Variants in CCDC148 observed in about 807,000 individuals in gnomAD.
CCDC148 encodes coiled-coil domain-containing protein 148.
In CCDC148, 89 loss-of-function variants were observed where a neutral mutation model predicts 85.7. The observed-to-expected ratio is 1.04, with a 90% confidence interval of 0.87 to 1.24. The LOEUF (loss-of-function observed/expected upper bound fraction) is 1.24. Ranked by LOEUF, CCDC148 falls within the 50% of genes most tolerant of loss-of-function variation. The pLI is 0.00. For missense variants in CCDC148, 692 were observed against 671.7 expected (o/e 1.03, Z -0.33); for synonymous variants, 230 against 213.9 (o/e 1.08, Z -0.66).
At chr2:158,182,322 G>T (rs1684943894) in intron 11 of CCDC148, among the ~76,000 whole-genome samples, 1 of 152,142 alleles carries the variant, frequency 6.6e-6, no homozygotes, top group African/African-American at 2.4e-5. Context: ...GAAAGGGAAA[G>T]AAGGAGAGGA....
chr2:158,177,064 C>T (rs1298236522), intron 12 of CCDC148, among the ~76,000 whole-genome samples: 4 of 151,890 alleles, frequency 2.6e-5, no homozygotes, highest in Admixed American at 1.3e-4. Flanking sequence ...GTTATGGTAA[C>T]AACCCCATGA....
intron 1 of CCDC148, among the ~76,000 whole-genome samples, chr2:158,409,466 G>A (rs1471212038): frequency 6.6e-6 from 1 of 152,186 alleles, no homozygotes; most frequent in Non-Finnish European, 1.5e-5. Context: ...TGACTGCCCC[G>A]CTGGATTTCA....
chr2:158,297,799 T>G (rs542384358), intron 9 of CCDC148, among the ~76,000 whole-genome samples: 1 of 152,298 alleles, frequency 6.6e-6, no homozygotes, highest in African/African-American at 2.4e-5. Flanking sequence ...ATTGGGAAGT[T>G]GTTGCATCAC....
At chr2:158,453,909 C>T (rs1366157402) in intron 1 of CCDC148, among the ~76,000 whole-genome samples, 1 of 152,144 alleles carries the variant, frequency 6.6e-6, no homozygotes, top group African/African-American at 2.4e-5. Flanking sequence ...GCCCTCTCCC[C>T]ACCCCTACTT....
intron 10 of CCDC148, among the ~76,000 whole-genome samples, chr2:158,224,825 A>T (rs1399215901): frequency 2.0e-5 from 3 of 152,172 alleles, no homozygotes; most frequent in Non-Finnish European, 2.9e-5. Flanking sequence ...GAAAGGAACA[A>T]CCGGTACCAG....
chr2:158,395,115 T>A (rs1342691759), intron 1 of CCDC148, among the ~76,000 whole-genome samples: 3 of 152,136 alleles, frequency 2.0e-5, no homozygotes, highest in African/African-American at 7.2e-5. Context: ...AAAAAAATGC[T>A]ACATTTCTGT....
At chr2:158,266,875 C>CAT (rs532539228) in intron 9 of CCDC148, among the ~76,000 whole-genome samples, 21 of 148,026 alleles carry the variant, frequency 1.4e-4, no homozygotes, top group Non-Finnish European at 2.1e-4. Flanking sequence ...TGTGTATTTA[C>CAT]ATATATATAT....
At chr2:158,175,255 C>A (rs954921823) in intron 13 of CCDC148, among the ~76,000 whole-genome samples, 4 of 152,052 alleles carry the variant, frequency 2.6e-5, no homozygotes, top group Non-Finnish European at 4.4e-5. Context: ...CTATTCTCCC[C>A]ACTTCAGCAG....
At chr2:158,278,802 C>G (rs948358103) in intron 9 of CCDC148, among the ~76,000 whole-genome samples, 3 of 152,270 alleles carry the variant, frequency 2.0e-5, no homozygotes, top group African/African-American at 7.2e-5. Context: ...GGATGGAGAT[C>G]TGAGAACGGG....
intron 9 of CCDC148, among the ~76,000 whole-genome samples, chr2:158,253,270 A>C (rs537312035): frequency 6.6e-6 from 1 of 151,828 alleles, no homozygotes; most frequent in African/African-American, 2.4e-5. Context: ...TAAATAATTT[A>C]GTTTTCTCAC....
chr2:158,224,039 T>A (rs1295491484), intron 10 of CCDC148, among the ~76,000 whole-genome samples: 1 of 152,164 alleles, frequency 6.6e-6, no homozygotes, highest in East Asian at 1.9e-4. Context: ...AGGAGGAAGT[T>A]CGAACCATGG....
chr2:158,364,416 A>G (rs573712107), intron 1 of CCDC148, among the ~76,000 whole-genome samples: 1 of 145,018 alleles, frequency 6.9e-6, no homozygotes, highest in Admixed American at 6.9e-5. Context: ...AACTATACTA[A>G]AAGGCTACAG....
chr2:158,196,447 C>G (rs190178848), intron 11 of CCDC148, among the ~76,000 whole-genome samples: 3 of 152,106 alleles, frequency 2.0e-5, no homozygotes, highest in Admixed American at 1.3e-4. Flanking sequence ...TCTCCTCCCC[C>G]CAGCCAGTTG....
Position 158,233,943 on chromosome 2 carries a change from C to T in CCDC148, c.1252-13230G>A, listed in dbSNP as rs142033443. On this transcript the variant is annotated intron_variant, in intron 10 of 13. Coordinates refer to ENST00000283233, the MANE Select transcript of CCDC148 (RefSeq NM_138803.4). ...CTGTAATCTCAGCACTTTGGGAGGC[C>T]GAGGTGGGTGGAGCACGAGGTCAAG... Among the ~76,000 whole-genome samples, 180 of 152,018 alleles carry T rather than the reference C, an allele frequency of 1.2e-3. 3 individuals carry two copies. The East Asian group carries it at 0.027, about 23-fold the overall frequency.
intron 7 of CCDC148, among the ~76,000 whole-genome samples, chr2:158,331,795 T>C (rs1693142736): frequency 6.6e-6 from 1 of 152,216 alleles, no homozygotes; most frequent in South Asian, 2.1e-4. Context: ...TTTGTTGGTT[T>C]AAAGTCTGTT....
At position 158,222,875 on chromosome 2, in the gene CCDC148, C is replaced by T. The variant is rs1687263282; in HGVS notation, c.1252-2162G>A. Reference sequence around the variant, plus strand: ...GCCGAATAGGAACAGCTCCAGTCTACAGCTCCCAGGGTGAGCGAGGCAGAA... The same window carrying T: ...GCCGAATAGGAACAGCTCCAGTCTATAGCTCCCAGGGTGAGCGAGGCAGAA... On this transcript the variant is annotated intron_variant, in intron 10 of 13. Transcript: ENST00000283233. 2.0e-5 allele frequency among the ~76,000 whole-genome samples: 3 copies of T among 152,286 alleles called. No individual in the cohort carries two copies. In the South Asian group the frequency reaches 6.2e-4, roughly 32 times the overall value.
intron 11 of CCDC148, among the ~76,000 whole-genome samples, chr2:158,191,912 G>A (rs562161861): frequency 1.3e-5 from 2 of 152,144 alleles, no homozygotes; most frequent in South Asian, 4.1e-4. Context: ...CCTACTTGGG[G>A]AACTCTGTTA....
chr2:158,424,984 T>C (rs1049621365), intron 1 of CCDC148: 4 of 370,368 alleles, frequency 1.1e-5, no homozygotes, highest in African/African-American at 8.4e-5. Context: ...CAAAGAGATA[T>C]AGAAGCTGCA....
At chr2:158,180,366 G>C (rs1181817668) in intron 11 of CCDC148, among the ~76,000 whole-genome samples, 1 of 152,160 alleles carries the variant, frequency 6.6e-6, no homozygotes, top group African/African-American at 2.4e-5. Flanking sequence ...TAAAGAAATA[G>C]AAGCATAGAC....
Sources: allele counts gnomAD v4.1 joint callset (sites outside exome capture counted in the v4.1 genomes callset), GRCh38; gene constraint gnomAD v4.1.1; transcripts MANE v1.5; gene names NCBI Gene and HGNC (gene_info 2026-07-23, HGNC 2026-07-21).